SLC25A12: variants seen among roughly 807,000 people sequenced by gnomAD.
SLC25A12 encodes electrogenic aspartate/glutamate antiporter SLC25A12, mitochondrial.
In SLC25A12, 32 loss-of-function variants were observed where a neutral mutation model predicts 83.3. The observed-to-expected ratio is 0.38, with a 90% confidence interval of 0.29 to 0.52. The LOEUF (loss-of-function observed/expected upper bound fraction) is 0.52, where lower values mean the gene tolerates loss of function less well. Among genes scored for constraint, SLC25A12 ranks in the 20% least tolerant of loss-of-function variants. The probability of loss-of-function intolerance (pLI) is 0.84; values close to 1 mark genes in which losing one functional copy is unlikely to be tolerated. For synonymous variants in SLC25A12, 267 were observed against 291.1 expected, an observed-to-expected ratio of 0.92 and a Z score of 0.84; for missense variants, 611 against 835.6, an observed-to-expected ratio of 0.73 and a Z score of 3.31.
chr2:171,857,464 C>T (rs1333861073), intron 3 of SLC25A12, among the ~76,000 whole-genome samples: 1 of 152,180 alleles, frequency 6.6e-6, no homozygotes, highest in East Asian at 1.9e-4. Flanking sequence ...GCAGGCAGAT[C>T]ACTTGAGCTC....
chr2:171,827,769 C>T (rs1462646058), intron 8 of SLC25A12, among the ~76,000 whole-genome samples: 1 of 152,182 alleles, frequency 6.6e-6, no homozygotes, highest in African/African-American at 2.4e-5. Flanking sequence ...AACTTGTAGT[C>T]AAGACCCTCC....
intron 2 of SLC25A12, among the ~76,000 whole-genome samples, chr2:171,888,992 A>G (rs1330238500): frequency 6.6e-6 from 1 of 152,194 alleles, no homozygotes; most frequent in East Asian, 1.9e-4. Flanking sequence ...TCATACTAAT[A>G]ACAGAATAAT....
chr2:171,840,866 C>T (rs1029372955), intron 5 of SLC25A12, among the ~76,000 whole-genome samples: 2 of 151,652 alleles, frequency 1.3e-5, no homozygotes, highest in African/African-American at 4.8e-5. Flanking sequence ...TCATAAACAC[C>T]AAAGAAAAGA....
At position 171,794,091 on chromosome 2, in the gene SLC25A12, G is replaced by A. The variant is rs142138579; in HGVS notation, c.1306-324C>T. ...AATAAACCCATTTGGAAAAAAAAGC[G>A]GAGCCAGATGTGGCAGCAAGGTACT... On this transcript the variant is annotated intron_variant, in intron 13 of 17. Transcript: ENST00000422440. Among the ~76,000 whole-genome samples the A allele has an allele frequency of 1.5e-3, 232 of 152,240 alleles. 1 individual carries two copies. The highest frequency in any genetic ancestry group is 5.1e-3 in the African/African-American group (212 of 41,534).
At chr2:171,878,075 G>A (rs1309313548) in intron 2 of SLC25A12, among the ~76,000 whole-genome samples, 1 of 152,116 alleles carries the variant, frequency 6.6e-6, no homozygotes, top group African/African-American at 2.4e-5. Flanking sequence ...AATCTTTCAG[G>A]TTATTTTGCA....
intron 2 of SLC25A12, among the ~76,000 whole-genome samples, chr2:171,878,400 G>A (rs1211630471): frequency 1.0e-5 from 1 of 96,836 alleles, no homozygotes; most frequent in Non-Finnish European, 2.6e-5. Context: ...AATAGTTACT[G>A]TAAAATGCTT....
chr2:171,806,529 C>T (rs944858219), intron 13 of SLC25A12, among the ~76,000 whole-genome samples: 2 of 152,124 alleles, frequency 1.3e-5, no homozygotes, highest in Admixed American at 1.3e-4. Context: ...ATATAATGCC[C>T]AAGGACTAGA....
intron 13 of SLC25A12, among the ~76,000 whole-genome samples, chr2:171,801,907 CTGTGTGTGTGTG>C (rs3058854): frequency 1.2e-3 from 174 of 145,474 alleles, no homozygotes; most frequent in South Asian, 2.7e-3. Context: ...ATATCTGGAT[CTGTGTGTGTGTG>C]TGTGTGTGTG....
chr2:171,848,404 T>C (rs1036080585), intron 4 of SLC25A12: 2 of 390,534 alleles, frequency 5.1e-6, no homozygotes, highest in African/African-American at 2.1e-5. Flanking sequence ...AGACCAAACA[T>C]TCTTATTGTC....
chr2:171,851,642 C>T (rs1182618503), intron 4 of SLC25A12, among the ~76,000 whole-genome samples: 1 of 152,056 alleles, frequency 6.6e-6, no homozygotes, highest in Non-Finnish European at 1.5e-5. Flanking sequence ...TCAAGTAATC[C>T]TCCTACCTCA....
rs1333655525 is a variant in SLC25A12 at position 171,844,414 on chromosome 2, G to T, written c.420C>A (p.Asn140Lys). The T allele has an allele frequency of 6.2e-7, 1 of 1,613,862 alleles. No individual in the cohort carries two copies. The highest frequency in any genetic ancestry group is 8.5e-7 in the Non-Finnish European group (1 of 1,179,938). Residue 140 changes from asparagine (N) to lysine (K), a missense_variant, in exon 5 of 18, where the codon AAC (asparagine) becomes AAA (lysine). By Grantham distance (94) the Asn-to-Lys change is moderately conservative. Around this residue, in one of 3 missense-constraint regions of SLC25A12, gnomAD observed 540 missense variants for 777.5 expected, o/e 0.69. Transcript: ENST00000422440. Reference protein sequence around the residue: ...CEFIRLHFGHNRKKHLNYTEF... With the variant: ...CEFIRLHFGHKRKKHLNYTEF... ...CTGTGTAGTTAAGATGCTTCTTCCG[G>T]TTATGCCCAAAATGCAGTCGGATAA...
At chr2:171,847,643 G>A (rs1180829977) in intron 4 of SLC25A12, among the ~76,000 whole-genome samples, 1 of 152,150 alleles carries the variant, frequency 6.6e-6, no homozygotes, top group Non-Finnish European at 1.5e-5. Flanking sequence ...TGGAAGAAAG[G>A]GAAATGACAG....
In SLC25A12 at chr2:171,813,106, C is replaced by T. The variant is rs183052948; in HGVS notation, c.1171+233G>A. ...TGTTGGGACAAACACATAATTTGGACACCAAGAAATATAAACCACAAGAAG... is the reference window on the plus strand; with the variant it reads ...TGTTGGGACAAACACATAATTTGGATACCAAGAAATATAAACCACAAGAAG... On this transcript the variant is annotated intron_variant, in intron 11 of 17. Transcript: ENST00000422440. Among the ~76,000 whole-genome samples, 237 of 151,996 alleles carry T rather than the reference C, an allele frequency of 1.6e-3. 1 individual carries two copies. Among genetic ancestry groups the T allele is most frequent in the African/African-American group, 5.5e-3 (226 of 41,464 alleles).
chr2:171,849,729 T>C (rs1558930550), intron 4 of SLC25A12, among the ~76,000 whole-genome samples: 1 of 152,020 alleles, frequency 6.6e-6, no homozygotes, highest in African/African-American at 2.4e-5. Context: ...CTAATTTTTT[T>C]GTATTTTTAG....
chr2:171,803,488 T>C (rs1022674985), intron 13 of SLC25A12, among the ~76,000 whole-genome samples: 19 of 152,186 alleles, frequency 1.2e-4, no homozygotes, highest in African/African-American at 3.6e-4. Flanking sequence ...GAATAGACAT[T>C]TTTTCAAAGA....
In SLC25A12 at chr2:171,822,810, A is replaced by G. The variant is rs1684221199; in HGVS notation, c.930+3988T>C. Among the ~76,000 whole-genome samples, 3 of 152,214 alleles carry G rather than the reference A, an allele frequency of 2.0e-5. No homozygotes were observed. The South Asian group carries it at 6.2e-4, about 31-fold the overall frequency. ...TGGACTCACAGATTCTCCATCATAA[A>G]CAAGTGTTTTCATAACAACTTTCAT... On this transcript the variant is annotated intron_variant, in intron 9 of 17. Transcript: ENST00000422440.
chr2:171,858,304 T>C (rs966521648), intron 3 of SLC25A12, among the ~76,000 whole-genome samples: 4 of 152,212 alleles, frequency 2.6e-5, no homozygotes, highest in African/African-American at 9.6e-5. Context: ...ATAGTGTATT[T>C]TTCATGCAAT....
chr2:171,882,028 G>A (rs1439173541), intron 2 of SLC25A12, among the ~76,000 whole-genome samples: 1 of 152,168 alleles, frequency 6.6e-6, no homozygotes, highest in Non-Finnish European at 1.5e-5. Flanking sequence ...TAGTATGACA[G>A]CTGCACTGGA....
chr2:171,805,145 G>C (rs747205762), intron 13 of SLC25A12, among the ~76,000 whole-genome samples: 44 of 148,156 alleles, frequency 3.0e-4, no homozygotes, highest in Admixed American at 6.8e-5. Context: ...GTCTCACTCT[G>C]TTGCCCAAGC....
Sources: gnomAD v4.1 joint callset for allele counts (sites outside exome capture counted in the v4.1 genomes callset) on GRCh38, gnomAD v4.1.1 for gene constraint, gnomAD v4.1.1 regional missense constraint, MANE v1.5 for transcripts, NCBI Gene and HGNC (gene_info 2026-07-23, HGNC 2026-07-21) for gene names.